ANKRD24: variants seen among roughly 807,000 people sequenced by gnomAD.
ANKRD24 encodes ankyrin repeat domain 24.
ANKRD24 carries 109 observed loss-of-function variants against 127.8 expected under a neutral mutation model. That is an observed-to-expected ratio of 0.85 (90% CI 0.73 to 1.00). The LOEUF (loss-of-function observed/expected upper bound fraction) is 1.00. ANKRD24 is among the 50% of genes least tolerant of loss of function. The pLI, the probability that ANKRD24 is intolerant of heterozygous loss-of-function variation, is 0.00. For synonymous variants in ANKRD24, 743 were observed against 671.1 expected, an observed-to-expected ratio of 1.11 and a Z score of -1.66; for missense variants, 1,648 against 1,570.2, an observed-to-expected ratio of 1.05 and a Z score of -0.84.
Position 4,216,897 on chromosome 19 carries a change from T to G in ANKRD24, c.1737T>G (p.Ala579=). The change falls in exon 18 of 22, where the codon GCT becomes GCG. Residue 579 remains alanine, a synonymous_variant. Transcript: ENST00000318934. ...CCATGGAAGCCAGGACTATGGAAGC[T>G]GAGGCCACGGGAGCCGAGGCCACGG... is the stretch of plus-strand genomic sequence containing the variant. The part of the protein sequence containing the change: ...DETMEARTME[A]EATGAEATGA... 4 of 1,610,874 alleles carry G rather than the reference T, an allele frequency of 2.5e-6. No individual in the cohort carries two copies. The highest frequency in any genetic ancestry group is 3.4e-6 in the Non-Finnish European group (4 of 1,178,682).
At chr19:4,204,421 C>T (rs1969272810) in intron 7 of ANKRD24, among the ~76,000 whole-genome samples, 1 of 152,108 alleles carries the variant, frequency 6.6e-6, no homozygotes, top group African/African-American at 2.4e-5. Context: ...CGTAGGGAAT[C>T]CAGGTCGTCT....
At chr19:4,183,672 G>T (rs1336542631) in intron 1 of ANKRD24, among the ~76,000 whole-genome samples, 4 of 152,106 alleles carry the variant, frequency 2.6e-5, no homozygotes, top group Non-Finnish European at 4.4e-5. Context: ...CCAGCACTTT[G>T]GGAGGCCAAG....
At chr19:4,215,453 C>G (rs1970002730) in intron 15 of ANKRD24, among the ~76,000 whole-genome samples, 1 of 140,940 alleles carries the variant, frequency 7.1e-6, no homozygotes, top group African/African-American at 2.6e-5. Flanking sequence ...CCATGGCACT[C>G]CAGCCTGGGG....
chr19:4,184,843 T>G (rs769914626), intron 1 of ANKRD24, among the ~76,000 whole-genome samples: 10 of 146,702 alleles, frequency 6.8e-5, no homozygotes, highest in African/African-American at 2.3e-4. Context: ...TGGGTAGATG[T>G]ATGGATGGAT....
At chr19:4,213,306 TTCCC>T (rs143290858) in intron 15 of ANKRD24, among the ~76,000 whole-genome samples, 110 of 147,194 alleles carry the variant, frequency 7.5e-4, no homozygotes, top group South Asian at 1.8e-3. Flanking sequence ...CTTTCCTTCC[TTCCC>T]TCCCTCCCTC....
At chr19:4,197,172 C>A (rs576795574) in intron 2 of ANKRD24, among the ~76,000 whole-genome samples, 2 of 152,214 alleles carry the variant, frequency 1.3e-5, no homozygotes, top group East Asian at 3.9e-4. Flanking sequence ...AGTCTGTTGG[C>A]CCTGTCATAT....
At chr19:4,210,516 TTCC>T in intron 13 of ANKRD24, 144 bp downstream of exon 13, 1 of 729,612 alleles carries the variant, frequency 1.4e-6, no homozygotes, top group Non-Finnish European at 2.2e-6. Context: ...CTCCTCGCTG[TTCC>T]TCCAACTCGC....
chr19:4,185,717 TCTGA>T (rs1436458207), intron 1 of ANKRD24, among the ~76,000 whole-genome samples: 2 of 152,206 alleles, frequency 1.3e-5, no homozygotes. Context: ...GGAGGTTCCC[TCTGA>T]CTATGTAGCA....
intron 1 of ANKRD24, 21 bp from the exon 2 acceptor site, chr19:4,186,369 C>A (rs1968062924): frequency 1.3e-6 from 2 of 1,558,752 alleles, no homozygotes; most frequent in African/African-American, 2.7e-5. Flanking sequence ...CTCACCTTAC[C>A]CCCACCCTTG....
At position 4,198,086 on chromosome 19, in the gene ANKRD24, C is replaced by A; in HGVS notation, c.37-1597C>A. 2.2e-6 allele frequency: 1 copy of A among 449,456 alleles called. No homozygotes were observed. The highest frequency in any genetic ancestry group is 4.0e-6 in the Non-Finnish European group (1 of 251,866). 27.8% of individuals were successfully genotyped at this position (449,456 alleles called of 1,614,324 possible). On this transcript the variant is annotated intron_variant, in intron 2 of 21. Coordinates refer to ENST00000318934, the MANE Select transcript of ANKRD24 (RefSeq NM_001393985.1). The surrounding 1 kb of genome is among the most constrained non-coding windows in gnomAD (Gnocchi z 6.1). ...CGTCGCGGGCCCGGAGGCACCTGCG[C>A]GCCCTTGGCCGACTCGGAGGAGGTG...
At chr19:4,218,253 C>T (rs1726620498) in intron 18 of ANKRD24, 90 bp downstream of exon 18, 13 of 1,196,782 alleles carry the variant, frequency 1.1e-5, no homozygotes, top group Middle Eastern at 3.1e-4. Flanking sequence ...GTTTTGAACC[C>T]ATCAGTTTTA....
chr19:4,216,249 A>G (rs1298426694), intron 16 of ANKRD24, 35 bp from the exon 17 acceptor site: 1 of 1,527,326 alleles, frequency 6.5e-7, no homozygotes, highest in Non-Finnish European at 8.9e-7. Flanking sequence ...CCTGTGGCCC[A>G]GGTCCCCAGG....
intron 2 of ANKRD24, among the ~76,000 whole-genome samples, chr19:4,197,681 G>T (rs1599412489): frequency 6.6e-6 from 1 of 152,196 alleles, no homozygotes; most frequent in Non-Finnish European, 1.5e-5. Context: ...GAATGGGTGA[G>T]CCCGTGAATG....
At chr19:4,203,835 G>C (rs1353919592) in intron 7 of ANKRD24, among the ~76,000 whole-genome samples, 1 of 151,274 alleles carries the variant, frequency 6.6e-6, no homozygotes, top group African/African-American at 2.4e-5. Context: ...ATTTTTAGTA[G>C]AGATGGGGTT....
intron 7 of ANKRD24, among the ~76,000 whole-genome samples, chr19:4,203,153 T>A (rs1969190143): frequency 6.6e-6 from 1 of 151,708 alleles, no homozygotes; most frequent in Non-Finnish European, 1.5e-5. Flanking sequence ...GTTCAAGCAA[T>A]TTTCCTGCCT....
At chr19:4,201,674 A>G (rs1003915929) in intron 5 of ANKRD24, among the ~76,000 whole-genome samples, 2 of 152,000 alleles carry the variant, frequency 1.3e-5, no homozygotes, top group Non-Finnish European at 2.9e-5. Flanking sequence ...GCACGAGCCA[A>G]GGAGTTCAAG....
At chr19:4,216,140 T>C in intron 16 of ANKRD24, 90 bp downstream of exon 16, 1 of 1,451,544 alleles carries the variant, frequency 6.9e-7, no homozygotes, top group Non-Finnish European at 9.4e-7. Flanking sequence ...AGTTTGAAGC[T>C]GGGAGGGAGG....
intron 1 of ANKRD24, among the ~76,000 whole-genome samples, chr19:4,185,501 C>T (rs1478725036): frequency 6.6e-6 from 1 of 152,132 alleles, no homozygotes. Flanking sequence ...ATCCCTTTCA[C>T]ACATAGGGCC....
intron 1 of ANKRD24, among the ~76,000 whole-genome samples, chr19:4,184,371 G>A (rs1368133263): frequency 6.6e-6 from 1 of 152,210 alleles, no homozygotes; most frequent in East Asian, 1.9e-4. Context: ...CCAGGCCCCT[G>A]AGCCCTTGTA....
Sources: allele counts gnomAD v4.1 joint callset (sites outside exome capture counted in the v4.1 genomes callset), GRCh38; gene constraint gnomAD v4.1.1; non-coding constraint Gnocchi (gnomAD v3.1); transcripts MANE v1.5; gene names NCBI Gene and HGNC (gene_info 2026-07-23, HGNC 2026-07-21).